Variants in STXBP5 observed in about 807,000 individuals in gnomAD.
STXBP5 encodes syntaxin-binding protein 5.
Under a neutral mutation model 152.4 loss-of-function variants are expected in STXBP5, and 50 were observed. The observed-to-expected ratio is 0.33, with a 90% CI of 0.26 to 0.42. The LOEUF (loss-of-function observed/expected upper bound fraction) is 0.42. STXBP5 is among the 10% of genes least tolerant of loss of function. The pLI is 1.00. For missense variants in STXBP5, 1,167 were observed against 1,388.6 expected (o/e 0.84, Z 2.54); for synonymous variants, 492 against 494.7 (o/e 0.99, Z 0.07).
intron 2 of STXBP5, among the ~76,000 whole-genome samples, chr6:147,220,877 A>G (rs1777424120): frequency 1.3e-5 from 2 of 152,126 alleles, no homozygotes; most frequent in South Asian, 2.1e-4. Context: ...GAATGTTGAT[A>G]TACTTCAAAT....
chr6:147,242,918 T>G (rs1778620627), intron 4 of STXBP5, among the ~76,000 whole-genome samples: 1 of 152,320 alleles, frequency 6.6e-6, no homozygotes, highest in South Asian at 2.1e-4. Context: ...ATGTTACTAG[T>G]CTTCTGGCTT....
chr6:147,255,407 A>G (rs1028758710), intron 4 of STXBP5, among the ~76,000 whole-genome samples: 3 of 152,188 alleles, frequency 2.0e-5, no homozygotes, highest in Admixed American at 2.0e-4. Flanking sequence ...AATCTCCCAT[A>G]TTTAAGGACC....
intron 17 of STXBP5, among the ~76,000 whole-genome samples, chr6:147,326,137 A>G (rs1037360048): frequency 6.6e-6 from 1 of 152,130 alleles, no homozygotes; most frequent in Non-Finnish European, 1.5e-5. Context: ...TCAAACTAAC[A>G]CTGGCTACAG....
chr6:147,367,538 TCAGG>T (rs1198095415), intron 25 of STXBP5, among the ~76,000 whole-genome samples: 1 of 152,120 alleles, frequency 6.6e-6, no homozygotes, highest in East Asian at 1.9e-4. Flanking sequence ...CTTGGGAGGC[TCAGG>T]CAGGAGAATC....
intron 10 of STXBP5, among the ~76,000 whole-genome samples, chr6:147,311,222 T>A (rs542701322): frequency 5.9e-5 from 9 of 152,326 alleles, no homozygotes; most frequent in Admixed American, 4.6e-4. Context: ...TGCAATGCCA[T>A]AGAAATTTCT....
chr6:147,280,734 T>C (rs968244742), intron 8 of STXBP5, among the ~76,000 whole-genome samples: 7 of 152,172 alleles, frequency 4.6e-5, no homozygotes, highest in Non-Finnish European at 1.0e-4. Context: ...GTTTCTACAG[T>C]GTTTATATTG....
chr6:147,236,314 T>A (rs1015915), intron 3 of STXBP5, among the ~76,000 whole-genome samples: 4,341 of 152,192 alleles, frequency 0.029, 254 homozygotes, highest in East Asian at 0.26. Flanking sequence ...GATGTTAAAT[T>A]TTTTTTAATT....
chr6:147,346,680 C>A (rs1286063539), intron 21 of STXBP5, among the ~76,000 whole-genome samples: 1 of 151,832 alleles, frequency 6.6e-6, no homozygotes, highest in Non-Finnish European at 1.5e-5. Context: ...GCGGAGGTTG[C>A]AGTGAGCCAA....
At chr6:147,206,713 A>T (rs1396160362) in intron 2 of STXBP5, among the ~76,000 whole-genome samples, 1 of 152,180 alleles carries the variant, frequency 6.6e-6, no homozygotes, top group Non-Finnish European at 1.5e-5. Flanking sequence ...AGGTTACTAT[A>T]CATTAAACTA....
intron 4 of STXBP5, among the ~76,000 whole-genome samples, chr6:147,259,819 C>A: frequency 6.7e-6 from 1 of 149,056 alleles, no homozygotes. Context: ...ATGAAAAGGA[C>A]AAGAGAAAAA....
chr6:147,212,911 A>C (rs1477786199), intron 2 of STXBP5, among the ~76,000 whole-genome samples: 2 of 152,176 alleles, frequency 1.3e-5, no homozygotes, highest in Non-Finnish European at 2.9e-5. Flanking sequence ...GGAAACCAGG[A>C]CTTTTTTTTA....
intron 2 of STXBP5, among the ~76,000 whole-genome samples, chr6:147,219,808 T>TG (rs1777367792): frequency 6.7e-6 from 1 of 149,540 alleles, no homozygotes; most frequent in South Asian, 2.1e-4. Flanking sequence ...TGTTTTTTTT[T>TG]TTTTTTTTTT....
chr6:147,260,562 G>A (rs1582856911), intron 4 of STXBP5, 53 bp from the exon 5 acceptor site: 2 of 1,607,956 alleles, frequency 1.2e-6, no homozygotes, highest in Non-Finnish European at 1.7e-6. Context: ...AATGCAATTA[G>A]TAAAATTTGC....
At chr6:147,369,169 T>C (rs923483095) in intron 25 of STXBP5, among the ~76,000 whole-genome samples, 1 of 151,960 alleles carries the variant, frequency 6.6e-6, no homozygotes, top group Non-Finnish European at 1.5e-5. Flanking sequence ...AATAAACACA[T>C]ACATGGACAA....
In STXBP5 at chr6:147,363,435, T is replaced by C. The variant is rs751343098; in HGVS notation, c.2646T>C (p.Asn882=). The C allele has an allele frequency of 4.3e-6, 7 of 1,614,006 alleles. No homozygotes were observed. Among genetic ancestry groups the C allele is most frequent in the Admixed American group, 3.3e-5 (2 of 59,988 alleles). ...CGTATGAACCCTGGAGAGAGCACAA[T>C]GTTCCTGAAGAAAAAGACGAAAAGG... ...PPAYEPWREH[N]VPEEKDEKEK... is the part of the protein sequence containing the mutation. The change falls in exon 24 of 28, where the codon AAT becomes AAC. Residue 882 remains asparagine (N), a synonymous_variant. Coordinates refer to ENST00000321680, the MANE Select transcript of STXBP5 (RefSeq NM_001127715.4).
chr6:147,234,908 A>C (rs553358735), intron 2 of STXBP5, among the ~76,000 whole-genome samples: 4 of 152,056 alleles, frequency 2.6e-5, no homozygotes. Context: ...TGTTCTATAG[A>C]TCCAACCACC....
chr6:147,354,753 C>G (rs1300444761), intron 22 of STXBP5, among the ~76,000 whole-genome samples: 1 of 152,120 alleles, frequency 6.6e-6, no homozygotes, highest in Non-Finnish European at 1.5e-5. Context: ...AGTATGTACT[C>G]CATGCTTTCA....
intron 16 of STXBP5, among the ~76,000 whole-genome samples, chr6:147,319,872 C>T (rs987182188): frequency 7.4e-6 from 1 of 134,954 alleles, no homozygotes; most frequent in South Asian, 2.4e-4. Context: ...GACAGGGTCT[C>T]GCTCTGTTGC....
intron 26 of STXBP5, among the ~76,000 whole-genome samples, chr6:147,380,826 A>T (rs758498068): frequency 2.0e-5 from 3 of 152,162 alleles, no homozygotes; most frequent in Non-Finnish European, 4.4e-5. Context: ...TCAATAATAG[A>T]AGACAAATAG....
Sources: gnomAD v4.1 joint callset for allele counts (sites outside exome capture counted in the v4.1 genomes callset) on GRCh38, gnomAD v4.1.1 for gene constraint, MANE v1.5 for transcripts, NCBI Gene and HGNC (gene_info 2026-07-23, HGNC 2026-07-21) for gene names.